The following OR56A3 variants were observed in gnomAD, a reference collection of about 807,000 sequenced individuals.
The protein encoded by OR56A3 is olfactory receptor family 56 subfamily A member 3.
In OR56A3, 23 loss-of-function variants were observed where a neutral mutation model predicts 17.5. The ratio of observed to expected loss-of-function variants is 1.32; its 90% CI spans 0.95 to 1.87. The LOEUF (loss-of-function observed/expected upper bound fraction) is 1.87, where lower values mean the gene tolerates loss of function less well. Ranked by LOEUF, OR56A3 falls within the 40% of genes most tolerant of loss-of-function variation. The pLI is 0.00. For missense variants in OR56A3, 366 were observed against 380.1 expected, an observed-to-expected ratio of 0.96 and a Z score of 0.31; for synonymous variants, 175 against 150.6, an observed-to-expected ratio of 1.16 and a Z score of -1.19.
chr11:5,990,172 G>A, the OR56A3 span, among the ~76,000 whole-genome samples: 1 of 152,186 alleles, frequency 6.6e-6, no homozygotes, highest in East Asian at 1.9e-4. Flanking sequence ...CAAGCTCCAG[G>A]AGCATCCGGA....
the OR56A3 span, among the ~76,000 whole-genome samples, chr11:6,014,988 G>GAAAAAAAAAAAAAA: frequency 1.4e-4 from 1 of 7,124 alleles, no homozygotes; most frequent in Non-Finnish European, 2.5e-4. Context: ...ATATTCATGG[G>GAAAAAAAAAAAAAA]CAAAAAAAAA....
the OR56A3 span, chr11:5,968,314 G>T: frequency 6.2e-7 from 1 of 1,612,996 alleles, no homozygotes; most frequent in Admixed American, 1.7e-5. Context: ...TAGTACAGGG[G>T]CTGGTGCAGA....
At chr11:5,993,524 T>G in the OR56A3 span, among the ~76,000 whole-genome samples, 1 of 152,180 alleles carries the variant, frequency 6.6e-6, no homozygotes, top group Non-Finnish European at 1.5e-5. Flanking sequence ...TCTGAGAATG[T>G]AAAAACCTGT....
chr11:6,019,347 A>C, the OR56A3 span: 1 of 152,202 alleles, frequency 6.6e-6, no homozygotes, highest in Admixed American at 6.5e-5. Context: ...TTATCCCAGG[A>C]ATGCAAAAAT....
chr11:5,972,728 A>T, the OR56A3 span, among the ~76,000 whole-genome samples: 3 of 152,164 alleles, frequency 2.0e-5, no homozygotes, highest in African/African-American at 7.2e-5. Context: ...TCCCAGGTTC[A>T]AGCAATTCTT....
the OR56A3 span, among the ~76,000 whole-genome samples, chr11:5,979,774 G>C: frequency 6.6e-6 from 1 of 151,742 alleles, no homozygotes; most frequent in African/African-American, 2.4e-5. Flanking sequence ...TGTTTTTCTA[G>C]TTCCTCTAGG....
the OR56A3 span, among the ~76,000 whole-genome samples, chr11:5,973,099 C>T: frequency 6.6e-6 from 1 of 152,118 alleles, no homozygotes; most frequent in Non-Finnish European, 1.5e-5. Flanking sequence ...AATTCAACTC[C>T]ACTATTTGAT....
chr11:5,968,512 G>A, the OR56A3 span: 10 of 1,519,092 alleles, frequency 6.6e-6, no homozygotes, highest in South Asian at 1.2e-5. Context: ...ATCCTCAGCT[G>A]AGAAAATTTC....
chr11:5,972,860 G>C, the OR56A3 span, among the ~76,000 whole-genome samples: 1 of 152,164 alleles, frequency 6.6e-6, no homozygotes, highest in Non-Finnish European at 1.5e-5. Flanking sequence ...GCTTCTCAAA[G>C]TGCTGGGATT....
At chr11:6,002,830 C>G in the OR56A3 span, 1 of 1,613,788 alleles carries the variant, frequency 6.2e-7, no homozygotes, top group East Asian at 2.2e-5. Flanking sequence ...AGAGAGGCCT[C>G]CAGCTGGATG....
chr11:6,012,432 G>A, the OR56A3 span, among the ~76,000 whole-genome samples: 677 of 152,228 alleles, frequency 4.4e-3, 4 homozygotes, highest in Middle Eastern at 0.024. Flanking sequence ...ATCAGCAGAG[G>A]GGGTAGCTCC....
the OR56A3 span, among the ~76,000 whole-genome samples, chr11:5,990,333 C>T: frequency 6.6e-6 from 1 of 152,224 alleles, no homozygotes; most frequent in Non-Finnish European, 1.5e-5. Flanking sequence ...AATCATGTAG[C>T]AAACAGTGGC....
At chr11:5,966,748 C>T in the OR56A3 span, among the ~76,000 whole-genome samples, 10 of 152,012 alleles carry the variant, frequency 6.6e-5, no homozygotes, top group Non-Finnish European at 8.8e-5. Context: ...ATGAGAAAGA[C>T]GGTTTAACTG....
chr11:6,016,301 G>GC, the OR56A3 span, among the ~76,000 whole-genome samples: 1 of 152,136 alleles, frequency 6.6e-6, no homozygotes. Context: ...TTCTTGTACA[G>GC]CCTGAGGAAC....
At chr11:5,968,429 A>G in the OR56A3 span, 1 of 1,599,306 alleles carries the variant, frequency 6.3e-7, no homozygotes, top group South Asian at 1.1e-5. Context: ...AGCTCTGGAA[A>G]CTGGGGAAAC....
At chr11:5,988,632 A>G in the OR56A3 span, among the ~76,000 whole-genome samples, 1 of 152,154 alleles carries the variant, frequency 6.6e-6, no homozygotes, top group South Asian at 2.1e-4. Context: ...AAGATGACTG[A>G]GAATTAGACC....
the OR56A3 span, among the ~76,000 whole-genome samples, chr11:5,992,073 C>A: frequency 6.6e-6 from 1 of 152,178 alleles, no homozygotes; most frequent in Non-Finnish European, 1.5e-5. Flanking sequence ...TGCTAGGAAA[C>A]CTCATGCAGT....
At chr11:5,982,330 T>C in the OR56A3 span, among the ~76,000 whole-genome samples, 2 of 152,168 alleles carry the variant, frequency 1.3e-5, no homozygotes, top group Non-Finnish European at 2.9e-5. Context: ...GGGGTGTCAA[T>C]GTCTGCATGA....
At chr11:5,958,357 G>A in the OR56A3 span, among the ~76,000 whole-genome samples, 9 of 152,124 alleles carry the variant, frequency 5.9e-5, no homozygotes, top group Non-Finnish European at 1.0e-4. Context: ...GAGGCTACAC[G>A]AGAAATTCCA....
Sources: gnomAD v4.1 joint callset for allele counts (sites outside exome capture counted in the v4.1 genomes callset) on GRCh38, gnomAD v4.1.1 for gene constraint, MANE v1.5 for transcripts, NCBI Gene and HGNC (gene_info 2026-07-23, HGNC 2026-07-21) for gene names.